NLGN4X: variants seen among roughly 807,000 people sequenced by gnomAD.
The protein encoded by NLGN4X is neuroligin-4, X-linked.
In NLGN4X, 3 loss-of-function variants were observed where a neutral mutation model predicts 40.3. The ratio of observed to expected loss-of-function variants is 0.07; its 90% CI spans 0.03 to 0.19. NLGN4X has a LOEUF of 0.19. Ranked by LOEUF, NLGN4X falls within the 10% of genes least tolerant of loss-of-function variation. The pLI, the probability that NLGN4X is intolerant of heterozygous loss-of-function variation, is 1.00. For synonymous variants in NLGN4X, 270 were observed against 306.8 expected, an observed-to-expected ratio of 0.88 and a Z score of 1.25; for missense variants, 382 against 708.3, an observed-to-expected ratio of 0.54 and a Z score of 5.23.
intron 2 of NLGN4X, among the ~76,000 whole-genome samples, chrX:6,109,223 A>C (rs1411846103): frequency 9.0e-6 from 1 of 110,860 alleles, no homozygotes; most frequent in Non-Finnish European, 1.9e-5. Context: ...CTATGATTGC[A>C]CCACTGCACT....
At chrX:6,041,395 A>T (rs2037152506) in intron 2 of NLGN4X, among the ~76,000 whole-genome samples, 1 of 112,423 alleles carries the variant, frequency 8.9e-6, no homozygotes, top group Non-Finnish European at 1.9e-5. Flanking sequence ...ATACACTACC[A>T]GGAACATGGC....
chrX:5,944,650 C>CAAAAAAAAAAA, intron 3 of NLGN4X, among the ~76,000 whole-genome samples: 1 of 25,570 alleles, frequency 3.9e-5, no homozygotes, highest in Non-Finnish European at 7.6e-5. Flanking sequence ...GACTCTGTCT[C>CAAAAAAAAAAA]AAAAAAAAAA....
At chrX:6,126,830 G>A (rs1473812051) in intron 2 of NLGN4X, among the ~76,000 whole-genome samples, 10 of 112,164 alleles carry the variant, frequency 8.9e-5, no homozygotes, top group Admixed American at 5.7e-4. Flanking sequence ...AAAAAGCAAC[G>A]AGAATGTTGA....
chrX:6,099,159 T>C (rs2147482023), intron 2 of NLGN4X, among the ~76,000 whole-genome samples: 1 of 112,030 alleles, frequency 8.9e-6, no homozygotes, highest in Non-Finnish European at 1.9e-5. Context: ...AGAAACTATG[T>C]CTTTTTTGCT....
intron 2 of NLGN4X, among the ~76,000 whole-genome samples, chrX:6,083,013 G>A (rs12852204): frequency 0.43 from 38,603 of 90,752 alleles, 7,982 homozygotes; most frequent in Admixed American, 0.46. Flanking sequence ...GCTGGAGTGC[G>A]GTGGCGCAAT....
At chrX:6,179,694 A>G (rs1472107946) in intron 1 of NLGN4X, among the ~76,000 whole-genome samples, 1 of 111,695 alleles carries the variant, frequency 9.0e-6, no homozygotes, top group East Asian at 2.8e-4. Flanking sequence ...CTCAGTAGCG[A>G]CCATTTGCCA....
At chrX:6,214,705 C>T (rs775074999) in intron 1 of NLGN4X, among the ~76,000 whole-genome samples, 65 of 110,953 alleles carry the variant, frequency 5.9e-4, no homozygotes, top group African/African-American at 2.1e-3. Flanking sequence ...GACCAGCCTG[C>T]GCAACATAGT....
intron 2 of NLGN4X, among the ~76,000 whole-genome samples, chrX:6,057,176 G>T (rs901723422): frequency 9.8e-5 from 11 of 111,891 alleles, no homozygotes; most frequent in Non-Finnish European, 1.7e-4. Context: ...TTCCAAAAAG[G>T]AGTTTCATAA....
intron 3 of NLGN4X, among the ~76,000 whole-genome samples, chrX:6,028,722 C>T (rs2036776130): frequency 9.1e-6 from 1 of 109,982 alleles, no homozygotes; most frequent in South Asian, 3.9e-4. Context: ...AGGAACTAAA[C>T]TTGAATTTCC....
At chrX:5,932,276 T>C (rs927670740) in intron 3 of NLGN4X, among the ~76,000 whole-genome samples, 2 of 112,100 alleles carry the variant, frequency 1.8e-5, no homozygotes, top group East Asian at 2.8e-4. Context: ...GTTTGTTGAA[T>C]GTTAATCTCA....
chrX:6,051,449 G>C (rs1246073138), intron 2 of NLGN4X, among the ~76,000 whole-genome samples: 4 of 111,062 alleles, frequency 3.6e-5, no homozygotes, highest in African/African-American at 1.3e-4. Flanking sequence ...CCAATGACTA[G>C]TATCCTTTTA....
At chrX:5,904,379 C>T (rs1433349620) in intron 4 of NLGN4X, among the ~76,000 whole-genome samples, 4 of 111,986 alleles carry the variant, frequency 3.6e-5, no homozygotes, top group African/African-American at 1.3e-4. Flanking sequence ...AATTCAGGAG[C>T]GCATTTCTAC....
chrX:6,117,190 T>C (rs1468674414), intron 2 of NLGN4X, among the ~76,000 whole-genome samples: 1 of 110,753 alleles, frequency 9.0e-6, no homozygotes, highest in Non-Finnish European at 1.9e-5. Context: ...TCCTCATATT[T>C]GTCCGCATCT....
rs546211060 is a variant in NLGN4X at position 6,146,320 on chromosome X, C to T, written c.472+4675G>A. Among the ~76,000 whole-genome samples, 27 of 111,492 alleles carry T rather than the reference C, an allele frequency of 2.4e-4. No homozygotes were observed. In the South Asian group the frequency reaches 9.5e-3, roughly 39 times the overall value. ...TTTAATAGATGAATCCCTTCCATCACCCATATATTCTTCATGGCACAGCTC... is the reference window on the plus strand; with the variant it reads ...TTTAATAGATGAATCCCTTCCATCATCCATATATTCTTCATGGCACAGCTC... On this transcript the variant is annotated intron_variant, in intron 2 of 5. Coordinates refer to ENST00000381095, the MANE Select transcript of NLGN4X (RefSeq NM_181332.3).
chrX:6,110,487 A>G (rs1055535379), intron 2 of NLGN4X, among the ~76,000 whole-genome samples: 1 of 111,946 alleles, frequency 8.9e-6, no homozygotes, highest in East Asian at 2.8e-4. Context: ...TACGCAGCAG[A>G]TTGGTTCTTC....
At chrX:6,171,722 T>C (rs925911797) in intron 1 of NLGN4X, among the ~76,000 whole-genome samples, 2 of 112,398 alleles carry the variant, frequency 1.8e-5, no homozygotes, top group African/African-American at 6.5e-5. Flanking sequence ...AAGCATTCTA[T>C]GACATTACAA....
At chrX:6,069,117 G>A (rs2037995649) in intron 2 of NLGN4X, among the ~76,000 whole-genome samples, 2 of 110,814 alleles carry the variant, frequency 1.8e-5, no homozygotes, top group South Asian at 3.8e-4. Flanking sequence ...GTGAAACCCC[G>A]TCTTTACTAA....
chrX:6,034,978 A>T (rs998200441), intron 2 of NLGN4X, among the ~76,000 whole-genome samples: 20 of 111,866 alleles, frequency 1.8e-4, no homozygotes, highest in Middle Eastern at 8.3e-3. Context: ...AAGTGCTGGG[A>T]TTACAAGCAT....
At chrX:6,027,398 A>G (rs1318452200) in intron 3 of NLGN4X, among the ~76,000 whole-genome samples, 3 of 112,460 alleles carry the variant, frequency 2.7e-5, no homozygotes. Context: ...TAGGAAATAA[A>G]GCCAACGACA....
Sources: allele counts gnomAD v4.1 joint callset (sites outside exome capture counted in the v4.1 genomes callset), GRCh38; gene constraint gnomAD v4.1.1; transcripts MANE v1.5; gene names NCBI Gene and HGNC (gene_info 2026-07-23, HGNC 2026-07-21).